Variants in CYP4A22 observed in about 807,000 individuals in gnomAD.
CYP4A22 encodes the protein cytochrome P450 4A22.
In CYP4A22, 46 loss-of-function variants were observed where a neutral mutation model predicts 56.2. The ratio of observed to expected loss-of-function variants is 0.82; its 90% confidence interval spans 0.65 to 1.05. CYP4A22 has a LOEUF of 1.05. Among genes scored for constraint, CYP4A22 ranks in the 50% least tolerant of loss-of-function variants. The pLI, the probability that CYP4A22 is intolerant of heterozygous loss-of-function variation, is 0.00. For missense variants in CYP4A22, 541 were observed against 645.9 expected (o/e 0.84, Z 1.76); for synonymous variants, 193 against 251.1 (o/e 0.77, Z 2.19).
chr1:47,143,150 C>T, intron 4 of CYP4A22, 119 bp from the exon 5 acceptor site: 1 of 1,515,302 alleles, frequency 6.6e-7, no homozygotes, highest in Non-Finnish European at 8.8e-7. Flanking sequence ...AGAATCCCAA[C>T]CAAGATATCT....
rs1557646663 is a variant in CYP4A22 at position 47,142,149 on chromosome 1, C to T, written c.424C>T (p.His142Tyr). Reference protein sequence around the residue: ...LLLNGQTWFQHRRMLTPAFHN... With the variant: ...LLLNGQTWFQYRRMLTPAFHN... ...GTTGAATGGGCAGACATGGTTCCAGCATCGACGGATGCTGACCCCAGCCTT... is the reference window on the plus strand; with the variant it reads ...GTTGAATGGGCAGACATGGTTCCAGTATCGACGGATGCTGACCCCAGCCTT... The change falls in exon 4 of 12, where the codon CAT becomes TAT. Residue 142 changes from histidine (H) to tyrosine (Y), a missense_variant. By Grantham distance (83) the His-to-Tyr change is moderately conservative. Coordinates refer to ENST00000371891, the MANE Select transcript of CYP4A22 (RefSeq NM_001010969.4). 6.2e-6 allele frequency: 10 copies of T among 1,613,878 alleles called. No individual in the cohort carries two copies. Among genetic ancestry groups the T allele is most frequent in the Middle Eastern group, 1.6e-4 (1 of 6,062 alleles).
At chr1:47,147,324 T>C in intron 11 of CYP4A22, 1 of 985,376 alleles carries the variant, frequency 1.0e-6, no homozygotes, top group Non-Finnish European at 1.2e-6. Context: ...AGAACTAATA[T>C]TTTACTCTCA....
Position 47,148,081 on chromosome 1 carries a change from C to G in CYP4A22, c.1365-521C>G, listed in dbSNP as rs915733144. On this transcript the variant is annotated intron_variant, in intron 11 of 11. Transcript: ENST00000371891. ...AACACTGAGGATCACCCACCCAGTT[C>G]TCCTCCAGGAAGCCTCCCACTGCCC... is the stretch of plus-strand genomic sequence containing the variant. Among the ~76,000 whole-genome samples, 7 of 152,234 alleles carry G rather than the reference C, an allele frequency of 4.6e-5. No individual in the cohort carries two copies. The East Asian group carries it at 1.2e-3, about 25-fold the overall frequency.
chr1:47,142,087 A>G, intron 3 of CYP4A22, 21 bp from the exon 4 acceptor site: 1 of 1,608,030 alleles, frequency 6.2e-7, no homozygotes, highest in Non-Finnish European at 8.5e-7. Flanking sequence ...ACACACATAC[A>G]CATATTCGTG....
At chr1:47,140,271 C>G (rs1266220406) in intron 1 of CYP4A22, among the ~76,000 whole-genome samples, 1 of 152,194 alleles carries the variant, frequency 6.6e-6, no homozygotes, top group African/African-American at 2.4e-5. Context: ...ATTATGCACA[C>G]AATTTTATAG....
At chr1:47,140,494 T>C (rs1644995624) in intron 1 of CYP4A22, among the ~76,000 whole-genome samples, 1 of 152,222 alleles carries the variant, frequency 6.6e-6, no homozygotes, top group African/African-American at 2.4e-5. Flanking sequence ...GTTATGCACA[T>C]TGCCCAAGGA....
chr1:47,144,015 A>G (rs1645044823), intron 6 of CYP4A22, 99 bp downstream of exon 6: 1 of 1,511,644 alleles, frequency 6.6e-7, no homozygotes, highest in East Asian at 2.3e-5. Flanking sequence ...ATCCTGCAGA[A>G]GCCAGAACAC....
intron 3 of CYP4A22, among the ~76,000 whole-genome samples, chr1:47,141,836 C>T (rs563606796): frequency 6.6e-6 from 1 of 152,332 alleles, no homozygotes; most frequent in Non-Finnish European, 1.5e-5. Flanking sequence ...TCTCTCCAGA[C>T]ATCCTTGGCT....
rs1049441295 is a variant in CYP4A22, at chr1:47,142,142, G to A, written c.417G>A (p.Trp139Ter). 5.0e-6 allele frequency: 8 copies of A among 1,613,798 alleles called. No homozygotes were observed. The African/African-American group carries it at 1.1e-4, about 22-fold the overall frequency. The change falls in exon 4 of 12, where the codon TGG (tryptophan) becomes TGA (stop). Residue 139 changes from tryptophan to a stop codon, truncating the protein, a stop_gained. Coordinates refer to ENST00000371891, the MANE Select transcript of CYP4A22 (RefSeq NM_001010969.4). LOFTEE classifies it high-confidence loss of function. ...TGCTCCTGTTGAATGGGCAGACATG[G>A]TTCCAGCATCGACGGATGCTGACCC... ...YGLLLLNGQTWFQHRRMLTPA... is the reference protein window; with the variant it reads ...YGLLLLNGQT
At position 47,144,469 on chromosome 1, in the gene CYP4A22, T is replaced by C. The variant is rs200144710; in HGVS notation, c.897+6T>C. The C allele has an allele frequency of 3.2e-5, 52 of 1,613,740 alleles. No homozygotes were observed. Among genetic ancestry groups the C allele is most frequent in the Non-Finnish European group, 4.2e-6 (5 of 1,179,866 alleles). Reference sequence around the variant, plus strand: ...ACATCCTCCTCTTGGCCAAAGTGAGTATGTGTAGGAGAGGCCTGAGTCTTT... The same window carrying C: ...ACATCCTCCTCTTGGCCAAAGTGAGCATGTGTAGGAGAGGCCTGAGTCTTT... On this transcript the variant is annotated splice_donor_region_variant and intron_variant, in intron 7 of 11. Transcript: ENST00000371891.
Position 47,140,902 on chromosome 1 carries a change from G to A in CYP4A22, c.318G>A (p.Lys106=), listed in dbSNP as rs1645001276. The A allele has an allele frequency of 6.2e-7, 1 of 1,614,036 alleles. No individual in the cohort carries two copies. The highest frequency in any genetic ancestry group is 8.5e-7 in the Non-Finnish European group (1 of 1,179,988). The change falls in exon 2 of 12, where the codon AAG becomes AAA. Residue 106 remains lysine, a synonymous_variant. Coordinates refer to ENST00000371891, the MANE Select transcript of CYP4A22 (RefSeq NM_001010969.4). The part of the protein sequence containing the change: ...RVQLYDPDYM[K]VILGRSDPKS... ...AGCTCTATGACCCTGACTATATGAA[G>A]GTGATTCTGGGGAGATCAGGTGAGA... is the stretch of plus-strand genomic sequence containing the variant.
intron 11 of CYP4A22, among the ~76,000 whole-genome samples, chr1:47,148,284 C>A (rs1645096680): frequency 6.6e-6 from 1 of 152,232 alleles, no homozygotes. Flanking sequence ...CATTGATTAA[C>A]TCTTTATTTA....
intron 4 of CYP4A22, among the ~76,000 whole-genome samples, chr1:47,142,813 T>C (rs2148556318): frequency 6.6e-6 from 1 of 152,382 alleles, no homozygotes; most frequent in Non-Finnish European, 1.5e-5. Flanking sequence ...CCCTGTTTTC[T>C]CTACAACACA....
intron 9 of CYP4A22, among the ~76,000 whole-genome samples, chr1:47,145,411 A>T (rs1249742830): frequency 6.6e-6 from 1 of 151,766 alleles, no homozygotes; most frequent in Non-Finnish European, 1.5e-5. Flanking sequence ...CCAAGCCTCA[A>T]CTCCCCCAGT....
rs1049069337 is a variant in CYP4A22, at chr1:47,148,136, ACC to A, written c.1365-462_1365-461del. ...GACTCCCTTAATACACCCATCGGGG[ACC>A]CCCTATGAGGATTCAGGTCCCTGTG... On this transcript the variant is annotated intron_variant, in intron 11 of 11. Coordinates refer to ENST00000371891, the MANE Select transcript of CYP4A22 (RefSeq NM_001010969.4). Among the ~76,000 whole-genome samples, 2 of 151,604 alleles carry A rather than the reference ACC, an allele frequency of 1.3e-5. 1 individual carries two copies.
chr1:47,148,580 T>C, intron 11 of CYP4A22, 22 bp from the exon 12 acceptor site: 1 of 1,591,302 alleles, frequency 6.3e-7, no homozygotes, highest in Non-Finnish European at 8.6e-7. Context: ...ACGTCTCAAT[T>C]CATTGTCTCC....
In CYP4A22 at chr1:47,144,394, G is replaced by T. The variant is rs1645050187; in HGVS notation, c.828G>T (p.Lys276Asn). The T allele has an allele frequency of 1.2e-6, 2 of 1,613,900 alleles. No homozygotes were observed. Among genetic ancestry groups the T allele is most frequent in the Non-Finnish European group, 1.7e-6 (2 of 1,179,812 alleles). ...VIQLRKAQLQ[K>N]EGELEKIKRK... ...AACTGAGGAAGGCTCAACTACAGAA[G>T]GAGGGGGAGCTGGAGAAGATCAAGA... Residue 276 changes from lysine to asparagine, a missense_variant, in exon 7 of 12, where the codon AAG becomes AAT. Transcript: ENST00000371891.
intron 11 of CYP4A22, 43 bp from the exon 12 acceptor site, chr1:47,148,559 G>C: frequency 1.3e-6 from 2 of 1,567,460 alleles, no homozygotes; most frequent in South Asian, 2.4e-5. Flanking sequence ...ATCAGAATGG[G>C]GCCTGAGGAC....
intron 10 of CYP4A22, 30 bp downstream of exon 10, chr1:47,145,960 G>C: frequency 1.2e-6 from 2 of 1,614,128 alleles, no homozygotes; most frequent in Non-Finnish European, 1.7e-6. Flanking sequence ...AGGAAATGGG[G>C]TGATCTCTCA....
Sources: allele counts gnomAD v4.1 joint callset (sites outside exome capture counted in the v4.1 genomes callset), GRCh38; gene constraint gnomAD v4.1.1; transcripts MANE v1.5; gene names NCBI Gene and HGNC (gene_info 2026-07-23, HGNC 2026-07-21).